Variants in GBP2 observed in about 807,000 individuals in gnomAD.
GBP2 encodes guanylate-binding protein 2.
In GBP2, 54 loss-of-function variants were observed where a neutral mutation model predicts 60.8. That is an observed-to-expected ratio of 0.89 (90% CI 0.71 to 1.11). The LOEUF (loss-of-function observed/expected upper bound fraction) is 1.11, where lower values mean the gene tolerates loss of function less well. Among genes scored for constraint, GBP2 ranks in the 50% most tolerant of loss-of-function variants. The probability of loss-of-function intolerance (pLI) is 0.00; values close to 1 mark genes in which losing one functional copy is unlikely to be tolerated. For synonymous variants in GBP2, 243 were observed against 256.5 expected (o/e 0.95, Z 0.50); for missense variants, 665 against 703.3 (o/e 0.95, Z 0.62).
chr1:89,120,257 G>T lies in GBP2; in HGVS notation c.350C>A (p.Ala117Asp). 1 of 1,613,882 alleles carries T rather than the reference G, an allele frequency of 6.2e-7. No homozygotes were observed. The highest frequency in any genetic ancestry group is 1.1e-5 in the South Asian group (1 of 91,080). Residue 117 changes from alanine (A) to aspartate (D), a missense_variant, in exon 4 of 11, where the codon GCC becomes GAC. Ala to Asp is a moderately radical substitution (Grantham distance 126). Transcript: ENST00000370466. ...GGTGCTGCTCAGGAGGATGGCCAAG[G>T]CAAAGATCCAGGAGTCATTCTCATT... is the stretch of plus-strand genomic sequence containing the variant. ...GDNENDSWIF[A>D]LAILLSSTFV...
intron 5 of GBP2, 33 bp downstream of exon 5, chr1:89,117,544 T>G: frequency 1.3e-6 from 2 of 1,554,850 alleles, no homozygotes; most frequent in Non-Finnish European, 1.8e-6. Context: ...TTGCTCTCTA[T>G]TTATTACCCA....
chr1:89,109,300 C>T (rs1035248117), intron 10 of GBP2, among the ~76,000 whole-genome samples: 4 of 152,104 alleles, frequency 2.6e-5, no homozygotes, highest in Admixed American at 6.5e-5. Flanking sequence ...GAAAGACTGG[C>T]TAGATATTTC....
chr1:89,107,866 T>G lies in GBP2; in HGVS notation c.*309A>C. On this transcript the variant is annotated 3_prime_UTR_variant, in exon 11 of 11. Transcript: ENST00000370466. ...CCCAGAACAGAAACTGCAAGATATC[T>G]CATTGGAAAATGCATCCTAGTTACA... 1 of 249,876 alleles carries G rather than the reference T, an allele frequency of 4.0e-6. No homozygotes were observed. The highest frequency in any genetic ancestry group is 4.9e-5 in the South Asian group (1 of 20,606). 15.5% of individuals were successfully genotyped at this position (249,876 alleles called of 1,614,324 possible). A position where few individuals can be genotyped will look rare whatever the true frequency, so the allele number is the denominator to read the frequency against.
At chr1:89,120,328 C>T in intron 3 of GBP2, 40 bp from the exon 4 acceptor site, 1 of 1,449,864 alleles carries the variant, frequency 6.9e-7, no homozygotes, top group Non-Finnish European at 9.7e-7. Context: ...GAATGACTAG[C>T]AGAATGTACA....
At chr1:89,120,153 C>T (rs1681369625) in intron 4 of GBP2, 26 bp downstream of exon 4, 6 of 1,531,984 alleles carry the variant, frequency 3.9e-6, no homozygotes, top group Non-Finnish European at 5.4e-6. Context: ...AGGTTTACTG[C>T]TGTTCTGGAC....
rs575197150 is a variant in GBP2, at chr1:89,126,054, G to A, written c.-209C>T. ...CCTCCAACGTCCAGGCTCTGTCAAT[G>A]TCAGAGACCTGACGAGAGACAAGAA... On this transcript the variant is annotated 5_prime_UTR_variant, in exon 1 of 11. Coordinates refer to ENST00000370466, the MANE Select transcript of GBP2 (RefSeq NM_004120.5). 9 of 152,242 alleles carry A rather than the reference G, an allele frequency of 5.9e-5. No individual in the cohort carries two copies. Among genetic ancestry groups the A allele is most frequent in the Middle Eastern group, 3.4e-3 (1 of 294 alleles). The allele number at this position is 152,242 out of a possible 1,614,324, so 9.4% of individuals were successfully genotyped here.
chr1:89,109,044 C>T (rs1342177365), intron 10 of GBP2, among the ~76,000 whole-genome samples: 1 of 152,044 alleles, frequency 6.6e-6, no homozygotes, highest in African/African-American at 2.4e-5. Context: ...TACAGGCATG[C>T]GTCACTATGC....
chr1:89,117,092 C>T lies in GBP2; in HGVS notation c.768G>A (p.Leu256=), dbSNP rs1374609005. The T allele has an allele frequency of 1.2e-6, 2 of 1,614,028 alleles. No homozygotes were observed. The highest frequency in any genetic ancestry group is 2.2e-5 in the East Asian group (1 of 44,890). ...CAACTTGTTCTATGAAATCAGGGTT[C>T]AGCTCTTCCTCCTTTAGCTGCTCTA... ...AHLEQLKEEE[L]NPDFIEQVAE... is the part of the protein sequence containing the mutation. The change falls in exon 6 of 11, where the codon CTG becomes CTA. Residue 256 remains leucine, a synonymous_variant. Coordinates refer to ENST00000370466, the MANE Select transcript of GBP2 (RefSeq NM_004120.5).
chr1:89,121,273 G>T lies in GBP2; in HGVS notation c.191-3C>A, dbSNP rs766084502. 4 of 1,597,206 alleles carry T rather than the reference G, an allele frequency of 2.5e-6. No homozygotes were observed. The African/African-American group carries it at 5.4e-5, about 22-fold the overall frequency. On this transcript the variant is annotated splice_region_variant and splice_polypyrimidine_tract_variant and intron_variant, in intron 2 of 10. Coordinates refer to ENST00000370466, the MANE Select transcript of GBP2 (RefSeq NM_004120.5). ...CACTGTGGAGCCTAGAGAGAAGCCT[G>T]TAGAAGGAGAGGATAAAAGGGAAAA... is the stretch of plus-strand genomic sequence containing the variant.
At chr1:89,122,667 A>G (rs1275799054) in intron 1 of GBP2, among the ~76,000 whole-genome samples, 1 of 152,164 alleles carries the variant, frequency 6.6e-6, no homozygotes, top group Non-Finnish European at 1.5e-5. Context: ...TCACTTGGTT[A>G]AGGTGTTCTC....
At position 89,109,586 on chromosome 1, in the gene GBP2, G is replaced by GT. The variant is rs1459314321; in HGVS notation, c.1659+90dup. On this transcript the variant is annotated intron_variant, in intron 10 of 10. Transcript: ENST00000370466. ...AATGTAGTAGTGTCTGGGCTAGAAA[G>GT]TTTTTTTGGGAGGCATTAGGTTCTC... 36 of 1,148,586 alleles carry GT rather than the reference G, an allele frequency of 3.1e-5. No homozygotes were observed. In the East Asian group the frequency reaches 3.8e-4, roughly 12 times the overall value. The allele number at this position is 1,148,586 out of a possible 1,614,324, so 71.1% of individuals were successfully genotyped here.
intron 1 of GBP2, among the ~76,000 whole-genome samples, chr1:89,125,628 G>A (rs1382923856): frequency 6.6e-6 from 1 of 152,182 alleles, no homozygotes; most frequent in African/African-American, 2.4e-5. Context: ...GTTAATTTAA[G>A]ATAGTGTCAA....
In GBP2 at chr1:89,124,460, T is replaced by G. The variant is rs372771978; in HGVS notation, c.-18+1403A>C. 3.7e-4 allele frequency among the ~76,000 whole-genome samples: 56 copies of G among 152,346 alleles called. 6 individuals are homozygous for G. The highest frequency in any genetic ancestry group is 9.1e-4 in the Admixed American group (14 of 15,310). On this transcript the variant is annotated intron_variant, in intron 1 of 10. Coordinates refer to ENST00000370466, the MANE Select transcript of GBP2 (RefSeq NM_004120.5). ...CTTTGGAAACTTTTCACATTCACGT[T>G]TAGATATTTGGACTGAGCAAAGCTG...
chr1:89,115,889 T>C (rs1002826240), intron 6 of GBP2, among the ~76,000 whole-genome samples: 1 of 152,036 alleles, frequency 6.6e-6, no homozygotes, highest in African/African-American at 2.4e-5. Flanking sequence ...TTACAGGCAT[T>C]AGCCTCCTGT....
intron 6 of GBP2, among the ~76,000 whole-genome samples, chr1:89,114,937 T>C (rs1181062677): frequency 2.0e-5 from 3 of 152,242 alleles, no homozygotes; most frequent in Admixed American, 1.3e-4. Flanking sequence ...GGCTGGTGTA[T>C]TTTGTTTCCT....
Position 89,108,290 on chromosome 1 carries a change from TC to T in GBP2, c.1660del (p.Glu554AsnfsTer26). On this transcript the variant is annotated frameshift_variant and splice_region_variant, in exon 11 of 11. Coordinates refer to ENST00000370466, the MANE Select transcript of GBP2 (RefSeq NM_004120.5). LOFTEE classifies it low-confidence loss of function (END_TRUNC). The part of the protein sequence containing the change: ...QEKTLALKLQ[E>X]QERLLKEGFE... ...TCCCTCCTTGAGAAGGCGTTCCTGT[TC>T]CTAAAAGGGAAAGTGGAGACTAAGC... is the stretch of plus-strand genomic sequence containing the variant. The T allele has an allele frequency of 6.3e-7, 1 of 1,598,884 alleles. No individual in the cohort carries two copies. Among genetic ancestry groups the T allele is most frequent in the Non-Finnish European group, 8.6e-7 (1 of 1,166,586 alleles).
intron 4 of GBP2, chr1:89,118,337 A>G (rs1248847974): frequency 6.6e-6 from 1 of 152,412 alleles, no homozygotes; most frequent in African/African-American, 2.4e-5. Flanking sequence ...CATTGCAGAC[A>G]GAGATCACAG....
chr1:89,121,316 G>A, intron 2 of GBP2, 46 bp from the exon 3 acceptor site: 2 of 1,512,394 alleles, frequency 1.3e-6, no homozygotes, highest in Non-Finnish European at 1.8e-6. Context: ...CTTAGTAGGT[G>A]TTTCTGGAAA....
chr1:89,109,988 T>G, intron 9 of GBP2, 118 bp from the exon 10 acceptor site: 2 of 1,103,928 alleles, frequency 1.8e-6, no homozygotes, highest in Non-Finnish European at 2.5e-6. Context: ...TCTTGTAATT[T>G]TGCCTTGGGT....
Sources: gnomAD v4.1 joint callset for allele counts (sites outside exome capture counted in the v4.1 genomes callset) on GRCh38, gnomAD v4.1.1 for gene constraint, MANE v1.5 for transcripts, NCBI Gene and HGNC (gene_info 2026-07-23, HGNC 2026-07-21) for gene names.